The following CLASP1 variants were observed in gnomAD, a reference collection of about 807,000 sequenced individuals.
CLASP1 encodes cytoplasmic linker associated protein 1.
CLASP1 carries 38 observed loss-of-function variants against 192.3 expected under a neutral mutation model. That is an observed-to-expected ratio of 0.20 (90% CI 0.15 to 0.26). The LOEUF (loss-of-function observed/expected upper bound fraction) is 0.26, where lower values mean the gene tolerates loss of function less well. CLASP1 is among the 10% of genes least tolerant of loss of function. The pLI, the probability that CLASP1 is intolerant of heterozygous loss-of-function variation, is 1.00. For synonymous variants in CLASP1, 691 were observed against 712.8 expected (o/e 0.97, Z 0.49); for missense variants, 1,433 against 1,932.5 (o/e 0.74, Z 4.85).
intron 8 of CLASP1, among the ~76,000 whole-genome samples, chr2:121,486,546 C>CAG (rs1284449691): frequency 7.9e-6 from 1 of 127,114 alleles, no homozygotes; most frequent in Non-Finnish European, 1.7e-5. Flanking sequence ...CCAAATCCCA[C>CAG]AGATATCAGA....
intron 17 of CLASP1, 114 bp from the exon 18 acceptor site, chr2:121,448,439 T>C (rs921371546): frequency 8.8e-6 from 9 of 1,024,064 alleles, no homozygotes; most frequent in Non-Finnish European, 1.0e-5. Flanking sequence ...TTTCAGAATT[T>C]TTTGGGCAAT....
At chr2:121,435,953 T>C (rs2149688777) in intron 19 of CLASP1, among the ~76,000 whole-genome samples, 1 of 152,314 alleles carries the variant, frequency 6.6e-6, no homozygotes, top group East Asian at 1.9e-4. Context: ...CTGTTTTCTT[T>C]GCAGTTAATC....
intron 30 of CLASP1, among the ~76,000 whole-genome samples, chr2:121,390,445 A>C (rs1574213517): frequency 6.6e-6 from 1 of 152,236 alleles, no homozygotes; most frequent in Admixed American, 6.5e-5. Flanking sequence ...TAAGGATCAC[A>C]TGGCAACTTA....
intron 2 of CLASP1, among the ~76,000 whole-genome samples, chr2:121,535,727 C>A (rs1443682456): frequency 6.6e-6 from 1 of 151,712 alleles, no homozygotes; most frequent in Non-Finnish European, 1.5e-5. Flanking sequence ...CGGCTCACTG[C>A]AACCTCCATC....
chr2:121,472,507 G>A (rs751277698), intron 8 of CLASP1, among the ~76,000 whole-genome samples: 2 of 152,198 alleles, frequency 1.3e-5, no homozygotes, highest in Non-Finnish European at 2.9e-5. Context: ...CTGCCTGGAG[G>A]TGTTAATAAT....
chr2:121,574,797 C>T (rs1292287410), intron 2 of CLASP1, among the ~76,000 whole-genome samples: 2 of 151,882 alleles, frequency 1.3e-5, no homozygotes, highest in Admixed American at 6.6e-5. Flanking sequence ...ACTAGCTGGG[C>T]GTGGTGGCAT....
intron 2 of CLASP1, chr2:121,531,030 T>G (rs186743380): frequency 1.0e-5 from 7 of 700,082 alleles, no homozygotes; most frequent in East Asian, 8.0e-5. Context: ...TTTCATAGAC[T>G]TATCAGTTCA....
At chr2:121,367,636 C>T (rs758961971) in exon 35 of CLASP1, 5 of 1,614,018 alleles carry the variant, frequency 3.1e-6, no homozygotes, top group Non-Finnish European at 4.2e-6. Context: ...TCTTTCAGGG[C>T]GGTCTTGTCG....
chr2:121,389,303 G>A (rs1271807841), intron 30 of CLASP1, among the ~76,000 whole-genome samples: 1 of 151,922 alleles, frequency 6.6e-6, no homozygotes. Context: ...ATTATTACTT[G>A]TACTAAAATA....
intron 22 of CLASP1, 30 bp downstream of exon 22, chr2:121,425,109 T>A: frequency 6.4e-7 from 1 of 1,574,388 alleles, no homozygotes; most frequent in Non-Finnish European, 8.6e-7. Flanking sequence ...AAGCTGGGAA[T>A]GGTATTCCAA....
chr2:121,552,466 A>T (rs1410183239), intron 2 of CLASP1, among the ~76,000 whole-genome samples: 1 of 152,246 alleles, frequency 6.6e-6, no homozygotes, highest in Non-Finnish European at 1.5e-5. Flanking sequence ...AATATCCAGC[A>T]TCTATAAGAA....
intron 7 of CLASP1, among the ~76,000 whole-genome samples, chr2:121,514,421 T>A (rs1268375403): frequency 6.6e-6 from 1 of 152,072 alleles, no homozygotes; most frequent in Non-Finnish European, 1.5e-5. Flanking sequence ...GATTGTTTAG[T>A]ATTGCTATTG....
chr2:121,404,430 C>T (rs2149476911), exon 26 of CLASP1: 1 of 1,609,868 alleles, frequency 6.2e-7, no homozygotes, highest in Non-Finnish European at 8.5e-7. Context: ...TTCAGTTCAA[C>T]TCGACTAGAA....
At chr2:121,609,302 G>C (rs887812306) in intron 1 of CLASP1, among the ~76,000 whole-genome samples, 1 of 152,110 alleles carries the variant, frequency 6.6e-6, no homozygotes, top group Non-Finnish European at 1.5e-5. Context: ...TAACAAATAA[G>C]CATATGCTTC....
rs2084919352 is a variant in CLASP1, at chr2:121,449,124, G to C, written c.1524-4C>G. ...ACTGTGGAAACCCCAGTAACATCTAGAGGAAACACACAAAATCCTGGTCTA... is the reference window on the plus strand; with the variant it reads ...ACTGTGGAAACCCCAGTAACATCTACAGGAAACACACAAAATCCTGGTCTA... On this transcript the variant is annotated splice_polypyrimidine_tract_variant and splice_region_variant and intron_variant, in intron 16 of 39. Transcript: ENST00000263710. 1 of 1,613,304 alleles carries C rather than the reference G, an allele frequency of 6.2e-7. No individual in the cohort carries two copies. The highest frequency in any genetic ancestry group is 1.3e-5 in the African/African-American group (1 of 74,902).
At chr2:121,461,452 T>C (rs913573028) in intron 10 of CLASP1, among the ~76,000 whole-genome samples, 4 of 152,202 alleles carry the variant, frequency 2.6e-5, no homozygotes, top group African/African-American at 4.8e-5. Flanking sequence ...GATGATTTCA[T>C]GTACAAAGAG....
chr2:121,493,695 T>C (rs1025297774), intron 8 of CLASP1, among the ~76,000 whole-genome samples: 2 of 152,080 alleles, frequency 1.3e-5, no homozygotes, highest in African/African-American at 4.8e-5. Context: ...ACTACCCATC[T>C]GACAAGGGAT....
chr2:121,384,080 A>G (rs557086365), intron 32 of CLASP1, among the ~76,000 whole-genome samples: 1 of 137,982 alleles, frequency 7.2e-6, no homozygotes, highest in South Asian at 2.3e-4. Flanking sequence ...ACACACACAT[A>G]TATATGTATA....
At chr2:121,387,928 A>C (rs1337493026) in intron 30 of CLASP1, 22 bp from the exon 32 acceptor site, 1 of 1,578,088 alleles carries the variant, frequency 6.3e-7, no homozygotes, top group Non-Finnish European at 8.7e-7. Flanking sequence ...AACCATGATT[A>C]ATTTATGTAA....
Sources: gnomAD v4.1 joint callset for allele counts (sites outside exome capture counted in the v4.1 genomes callset) on GRCh38, gnomAD v4.1.1 for gene constraint, MANE v1.5 for transcripts, NCBI Gene and HGNC (gene_info 2026-07-23, HGNC 2026-07-21) for gene names.